Variants in SLC35F1 observed in about 807,000 individuals in gnomAD.
SLC35F1 encodes chromosome 6 open reading frame 169.
SLC35F1 carries 14 observed loss-of-function variants against 48.7 expected under a neutral mutation model. That is an observed-to-expected ratio of 0.29 (90% confidence interval 0.19 to 0.45). The LOEUF (loss-of-function observed/expected upper bound fraction) is 0.45, where lower values mean the gene tolerates loss of function less well. SLC35F1 is among the 20% of genes least tolerant of loss of function. The probability of loss-of-function intolerance (pLI) is 1.00; values close to 1 mark genes in which losing one functional copy is unlikely to be tolerated. For synonymous variants in SLC35F1, 190 were observed against 202.2 expected (o/e 0.94, Z 0.51); for missense variants, 404 against 500.0 (o/e 0.81, Z 1.83).
intron 1 of SLC35F1, among the ~76,000 whole-genome samples, chr6:118,082,997 A>G (rs1323563911): frequency 6.6e-6 from 1 of 152,134 alleles, no homozygotes. Flanking sequence ...GTGGCTCCTC[A>G]AAGGGGGAAT....
chr6:118,104,639 A>AT (rs913482478), intron 1 of SLC35F1, among the ~76,000 whole-genome samples: 2 of 152,146 alleles, frequency 1.3e-5, no homozygotes, highest in East Asian at 1.9e-4. Flanking sequence ...CCCTAATGTG[A>AT]TTTTTTAAAG....
intron 1 of SLC35F1, among the ~76,000 whole-genome samples, chr6:117,969,274 A>T (rs1219694343): frequency 1.3e-5 from 2 of 152,188 alleles, no homozygotes; most frequent in Non-Finnish European, 2.9e-5. Flanking sequence ...ACAAGAATAT[A>T]TTTTTTATTT....
intron 1 of SLC35F1, among the ~76,000 whole-genome samples, chr6:118,092,408 C>T (rs368363062): frequency 7.2e-5 from 11 of 152,214 alleles, no homozygotes; most frequent in African/African-American, 1.7e-4. Context: ...GATGTCCAGA[C>T]AGAAGTTTGG....
At chr6:118,103,981 A>G (rs546326680) in intron 1 of SLC35F1, among the ~76,000 whole-genome samples, 51 of 152,340 alleles carry the variant, frequency 3.3e-4, no homozygotes, top group African/African-American at 1.2e-3. Flanking sequence ...AAGTAAACAC[A>G]TTGAAATGCT....
At chr6:117,954,536 G>A (rs936346736) in intron 1 of SLC35F1, among the ~76,000 whole-genome samples, 2 of 152,206 alleles carry the variant, frequency 1.3e-5, no homozygotes, top group African/African-American at 2.4e-5. Context: ...TGAGATTACA[G>A]GCGTGAGCCA....
At chr6:118,044,258 A>T (rs1772268671) in intron 1 of SLC35F1, among the ~76,000 whole-genome samples, 1 of 151,884 alleles carries the variant, frequency 6.6e-6, no homozygotes, top group South Asian at 2.1e-4. Context: ...GTGTGGGGAA[A>T]CCTCTTCTAT....
chr6:118,054,525 G>A (rs1582640996), intron 1 of SLC35F1, among the ~76,000 whole-genome samples: 1 of 152,276 alleles, frequency 6.6e-6, no homozygotes, highest in South Asian at 2.1e-4. Context: ...TTGGAGAAAG[G>A]ACATCATTTT....
chr6:117,987,922 A>G (rs938554535), intron 1 of SLC35F1, among the ~76,000 whole-genome samples: 2 of 152,138 alleles, frequency 1.3e-5, no homozygotes, highest in African/African-American at 4.8e-5. Context: ...TGAAAAAAAT[A>G]GTTGTTTTTT....
chr6:118,112,101 C>A (rs1398724075), intron 1 of SLC35F1, among the ~76,000 whole-genome samples: 5 of 82,800 alleles, frequency 6.0e-5, no homozygotes, highest in Admixed American at 1.8e-4. Flanking sequence ...CTTTTCTTTT[C>A]TTTTCTTTTC....
At chr6:117,914,908 TA>T (rs570771175) in intron 1 of SLC35F1, among the ~76,000 whole-genome samples, 69 of 147,830 alleles carry the variant, frequency 4.7e-4, no homozygotes, top group South Asian at 8.6e-4. Flanking sequence ...TAAAAAATAT[TA>T]AAAAAAAAAG....
rs139088554 is a variant in SLC35F1 at position 118,268,600 on chromosome 6, ATTTTTT to A, written c.637+1468_637+1473del. On this transcript the variant is annotated intron_variant, in intron 4 of 7. Coordinates refer to ENST00000360388, the MANE Select transcript of SLC35F1 (RefSeq NM_001029858.4). ...CATATATATGTATATATATATATAT[ATTTTTT>A]TTTTTTTTTTTTTTTTTTTTTGAGA... is the stretch of plus-strand genomic sequence containing the variant. 6.9e-4 allele frequency among the ~76,000 whole-genome samples: 61 copies of A among 87,860 alleles called. 1 individual carries two copies. The highest frequency in any genetic ancestry group is 2.5e-3 in the African/African-American group (53 of 21,138). 57.6% of individuals were successfully genotyped at this position (87,860 alleles called of 152,430 possible).
At chr6:118,136,577 T>C (rs1773800276) in intron 1 of SLC35F1, among the ~76,000 whole-genome samples, 1 of 152,198 alleles carries the variant, frequency 6.6e-6, no homozygotes, top group Admixed American at 6.5e-5. Context: ...CATTAACGCA[T>C]CTCCTTCTGC....
At chr6:118,098,033 A>G (rs1302606343) in intron 1 of SLC35F1, among the ~76,000 whole-genome samples, 3 of 152,332 alleles carry the variant, frequency 2.0e-5, no homozygotes, top group Non-Finnish European at 1.5e-5. Flanking sequence ...TTACTCTTAA[A>G]TAACAGCAGA....
rs1459949692 is a variant in SLC35F1, at chr6:118,315,975, T to C, written c.*1723T>C. On this transcript the variant is annotated 3_prime_UTR_variant, in exon 8 of 8. Transcript: ENST00000360388. Reference sequence around the variant, plus strand: ...AAAGATCCTCAATGGAGTTACAGGGTTTATAGGGGAAAAATACATGTTTAT... The same window carrying C: ...AAAGATCCTCAATGGAGTTACAGGGCTTATAGGGGAAAAATACATGTTTAT... 1 of 152,094 alleles carries C rather than the reference T, an allele frequency of 6.6e-6. No homozygotes were observed. The highest frequency in any genetic ancestry group is 1.5e-5 in the Non-Finnish European group (1 of 68,018). 9.4% of individuals were successfully genotyped at this position (152,094 alleles called of 1,614,324 possible). A position where few individuals can be genotyped will look rare whatever the true frequency, so the allele number is the denominator to read the frequency against.
At chr6:118,200,672 A>AGT (rs1255680798) in intron 2 of SLC35F1, among the ~76,000 whole-genome samples, 4 of 152,170 alleles carry the variant, frequency 2.6e-5, no homozygotes, top group Non-Finnish European at 2.9e-5. Flanking sequence ...TATTTCTGTT[A>AGT]TACCCCAGTG....
At chr6:118,164,165 A>C (rs919396287) in intron 2 of SLC35F1, among the ~76,000 whole-genome samples, 4 of 152,244 alleles carry the variant, frequency 2.6e-5, no homozygotes, top group Non-Finnish European at 5.9e-5. Flanking sequence ...GACTTTTTAC[A>C]AGTTAAAGTG....
At chr6:118,092,082 C>T (rs1180848850) in intron 1 of SLC35F1, among the ~76,000 whole-genome samples, 1 of 152,184 alleles carries the variant, frequency 6.6e-6, no homozygotes, top group African/African-American at 2.4e-5. Context: ...AAACCGTTTT[C>T]TGAGGAGAAA....
chr6:118,007,970 C>T (rs1562262833), intron 1 of SLC35F1, among the ~76,000 whole-genome samples: 1 of 152,042 alleles, frequency 6.6e-6, no homozygotes, highest in African/African-American at 2.4e-5. Flanking sequence ...TAGCTGTTGG[C>T]GGGGGGCTAC....
intron 7 of SLC35F1, among the ~76,000 whole-genome samples, chr6:118,297,961 A>G (rs1317846987): frequency 1.3e-5 from 2 of 151,804 alleles, no homozygotes; most frequent in South Asian, 2.1e-4. Flanking sequence ...TAATGACTGC[A>G]TGCTCTGTGA....
Sources: allele counts gnomAD v4.1 joint callset (sites outside exome capture counted in the v4.1 genomes callset), GRCh38; gene constraint gnomAD v4.1.1; transcripts MANE v1.5; gene names NCBI Gene and HGNC (gene_info 2026-07-23, HGNC 2026-07-21).